The following PCDH15 variants were observed in gnomAD, a reference collection of about 807,000 sequenced individuals.
The protein encoded by PCDH15 is protocadherin related 15.
PCDH15 carries 129 observed loss-of-function variants against 178.5 expected under a neutral mutation model. The ratio of observed to expected loss-of-function variants is 0.72; its 90% confidence interval spans 0.63 to 0.84. The LOEUF (loss-of-function observed/expected upper bound fraction) is 0.84. Among genes scored for constraint, PCDH15 ranks in the 40% least tolerant of loss-of-function variants. PCDH15 has a pLI of 0.00. For synonymous variants in PCDH15, 800 were observed against 732.0 expected, an observed-to-expected ratio of 1.09 and a Z score of -1.50; for missense variants, 2,230 against 2,099.9, an observed-to-expected ratio of 1.06 and a Z score of -1.21.
chr10:54,316,265 A>C (rs901903171), intron 8 of PCDH15, among the ~76,000 whole-genome samples: 3 of 152,198 alleles, frequency 2.0e-5, no homozygotes, highest in African/African-American at 7.2e-5. Context: ...TAGATGTATT[A>C]ATATTATAAC....
chr10:54,554,586 C>T (rs2086967291), intron 2 of PCDH15, among the ~76,000 whole-genome samples: 1 of 152,056 alleles, frequency 6.6e-6, no homozygotes, highest in South Asian at 2.1e-4. Flanking sequence ...CCAAGACTTT[C>T]CTGAAAATAG....
intron 2 of PCDH15, among the ~76,000 whole-genome samples, chr10:55,061,733 G>A (rs936501149): frequency 6.6e-6 from 1 of 152,106 alleles, no homozygotes; most frequent in Non-Finnish European, 1.5e-5. Flanking sequence ...AATGAAATTA[G>A]CTACTGGCCA....
intron 3 of PCDH15, among the ~76,000 whole-genome samples, chr10:54,810,171 A>G (rs958944109): frequency 1.3e-5 from 2 of 152,182 alleles, no homozygotes; most frequent in Non-Finnish European, 2.9e-5. Flanking sequence ...GTACTGGATT[A>G]TCTTCATCGT....
At chr10:55,585,113 T>C (rs1842700013) in intron 2 of PCDH15, among the ~76,000 whole-genome samples, 1 of 151,904 alleles carries the variant, frequency 6.6e-6, no homozygotes, top group African/African-American at 2.4e-5. Flanking sequence ...GCCTTTTTTC[T>C]TCCTTCCTGT....
chr10:55,618,676 C>T (rs1314551563), intron 2 of PCDH15, among the ~76,000 whole-genome samples: 2 of 152,014 alleles, frequency 1.3e-5, no homozygotes, highest in Admixed American at 6.6e-5. Context: ...GTGGTATTAG[C>T]GGTGAAGAAA....
intron 2 of PCDH15, among the ~76,000 whole-genome samples, chr10:55,327,743 A>T (rs937945106): frequency 6.6e-6 from 1 of 152,084 alleles, no homozygotes; most frequent in Non-Finnish European, 1.5e-5. Flanking sequence ...TAACATATGC[A>T]TGTTAATAGC....
intron 18 of PCDH15, among the ~76,000 whole-genome samples, chr10:54,049,676 A>G (rs937926438): frequency 6.6e-6 from 1 of 151,272 alleles, no homozygotes; most frequent in African/African-American, 2.4e-5. Context: ...GCTGGCATGC[A>G]ATGGCGCAAC....
rs536965086 is a variant in PCDH15 at position 55,467,088 on chromosome 10, C to T, written c.-156+160537G>A. Among the ~76,000 whole-genome samples, 4 of 152,276 alleles carry T rather than the reference C, an allele frequency of 2.6e-5. No individual in the cohort carries two copies. The East Asian group carries it at 5.8e-4, about 22-fold the overall frequency. On this transcript the variant is annotated intron_variant, in intron 2 of 5. Transcript: ENST00000613346. Reference sequence around the variant, plus strand: ...ATCTGTCATTCCCAGGGATTGAGTACACCCTCAAGGAGAGTTCCTCAATTA... The same window carrying T: ...ATCTGTCATTCCCAGGGATTGAGTATACCCTCAAGGAGAGTTCCTCAATTA...
chr10:55,555,213 A>G (rs2132092132), intron 2 of PCDH15, among the ~76,000 whole-genome samples: 1 of 152,214 alleles, frequency 6.6e-6, no homozygotes, highest in South Asian at 2.1e-4. Flanking sequence ...AAGTCCACTT[A>G]ATCCTCACAA....
chr10:55,187,615 A>G (rs538202576), intron 1 of PCDH15, among the ~76,000 whole-genome samples: 11 of 152,020 alleles, frequency 7.2e-5, no homozygotes, highest in Non-Finnish European at 1.5e-4. Flanking sequence ...ACCATGGCCC[A>G]ATCTTAGATT....
At chr10:54,847,274 A>C (rs973093926) in intron 3 of PCDH15, among the ~76,000 whole-genome samples, 6 of 152,194 alleles carry the variant, frequency 3.9e-5, no homozygotes, top group Admixed American at 2.6e-4. Context: ...CACATGTTTT[A>C]AATGAAGTGC....
chr10:54,459,662 T>C (rs551397468), intron 3 of PCDH15, among the ~76,000 whole-genome samples: 24 of 152,188 alleles, frequency 1.6e-4, no homozygotes, highest in African/African-American at 4.6e-4. Context: ...AAAATAAATA[T>C]TGAAAACATC....
At chr10:54,042,964 T>A (rs2093580608) in intron 18 of PCDH15, among the ~76,000 whole-genome samples, 1 of 151,060 alleles carries the variant, frequency 6.6e-6, no homozygotes, top group Non-Finnish European at 1.5e-5. Flanking sequence ...GAATCAGAAG[T>A]GGTCCTAGGA....
At chr10:54,262,193 T>C (rs114335088) in intron 8 of PCDH15, among the ~76,000 whole-genome samples, 1 of 152,018 alleles carries the variant, frequency 6.6e-6, no homozygotes, top group South Asian at 2.1e-4. Context: ...GGCTTTGTTG[T>C]GCGGTGCAGC....
At chr10:55,067,389 G>A (rs527281461) in intron 2 of PCDH15, among the ~76,000 whole-genome samples, 80 of 151,992 alleles carry the variant, frequency 5.3e-4, no homozygotes, top group African/African-American at 1.7e-3. Context: ...TTCCATTCAC[G>A]TTGCTGCAAG....
At chr10:54,018,455 A>G (rs1670660907) in intron 20 of PCDH15, among the ~76,000 whole-genome samples, 1 of 152,152 alleles carries the variant, frequency 6.6e-6, no homozygotes, top group South Asian at 2.1e-4. Flanking sequence ...CCTTAAACAC[A>G]TAATGGACTT....
At chr10:54,823,293 A>G (rs1178318155) in intron 3 of PCDH15, among the ~76,000 whole-genome samples, 1 of 152,106 alleles carries the variant, frequency 6.6e-6, no homozygotes, top group African/African-American at 2.4e-5. Flanking sequence ...ATGGTCTTAC[A>G]TGGCACTGCA....
chr10:54,357,895 CA>C (rs1191089276), intron 5 of PCDH15, among the ~76,000 whole-genome samples: 35 of 151,940 alleles, frequency 2.3e-4, no homozygotes, highest in African/African-American at 7.5e-4. Flanking sequence ...ACAAACCTGA[CA>C]AAAACAAGAA....
At chr10:54,679,306 G>A (rs1204958416) in intron 1 of PCDH15, among the ~76,000 whole-genome samples, 1 of 151,524 alleles carries the variant, frequency 6.6e-6, no homozygotes, top group African/African-American at 2.4e-5. Context: ...GTGTATTGAA[G>A]AGAAAAACAA....
Sources: gnomAD v4.1 joint callset for allele counts (sites outside exome capture counted in the v4.1 genomes callset) on GRCh38, gnomAD v4.1.1 for gene constraint, MANE v1.5 for transcripts, NCBI Gene and HGNC (gene_info 2026-07-23, HGNC 2026-07-21) for gene names.